FARP1: variants seen among roughly 807,000 people sequenced by gnomAD.
FARP1 encodes FERM, ARHGEF and pleckstrin domain-containing protein 1.
In FARP1, 52 loss-of-function variants were observed where a neutral mutation model predicts 128.8. The ratio of observed to expected loss-of-function variants is 0.40; its 90% CI spans 0.32 to 0.51. The LOEUF (loss-of-function observed/expected upper bound fraction) is 0.51. FARP1 is among the 20% of genes least tolerant of loss of function. FARP1 has a pLI of 0.45. For synonymous variants in FARP1, 580 were observed against 551.8 expected (o/e 1.05, Z -0.72); for missense variants, 1,333 against 1,367.9 (o/e 0.97, Z 0.40).
intron 2 of FARP1, among the ~76,000 whole-genome samples, chr13:98,336,812 T>C (rs147433040): frequency 6.6e-5 from 10 of 152,344 alleles, no homozygotes; most frequent in African/African-American, 1.9e-4. Flanking sequence ...GTGCGCTAGA[T>C]TAAAATTCAA....
chr13:98,340,605 C>G (rs926394022), intron 2 of FARP1: 1 of 152,330 alleles, frequency 6.6e-6, no homozygotes, highest in East Asian at 1.9e-4. Context: ...CTCGGCCTCC[C>G]AAAGTGCTGG....
At position 98,333,273 on chromosome 13, in the gene FARP1, T is replaced by C. The variant is rs923023967; in HGVS notation, c.172-10489T>C. ...TTAATTTAGATAAATTTTAGAATTT[T>C]TTATTCATCTACTTCTAAAAGGGTG... On this transcript the variant is annotated intron_variant, in intron 2 of 26. Coordinates refer to ENST00000319562, the MANE Select transcript of FARP1 (RefSeq NM_005766.4). 4.6e-5 allele frequency: 7 copies of C among 152,198 alleles called. 1 individual carries two copies. Among genetic ancestry groups the C allele is most frequent in the Admixed American group, 3.9e-4 (6 of 15,278 alleles). 9.4% of individuals were successfully genotyped at this position (152,198 alleles called of 1,614,324 possible). A position where few individuals can be genotyped will look rare whatever the true frequency, so the allele number is the denominator to read the frequency against.
chr13:98,217,728 C>G (rs1881162945), intron 2 of FARP1, among the ~76,000 whole-genome samples: 2 of 152,072 alleles, frequency 1.3e-5, no homozygotes, highest in South Asian at 4.1e-4. Flanking sequence ...GCCAGAACAC[C>G]CTCTTATTTG....
intron 5 of FARP1, 66 bp downstream of exon 5, chr13:98,368,261 C>A: frequency 8.8e-7 from 1 of 1,133,692 alleles, no homozygotes; most frequent in Non-Finnish European, 1.3e-6. Context: ...AATGAATGTT[C>A]TCAATTGATG....
intron 2 of FARP1, among the ~76,000 whole-genome samples, chr13:98,320,620 C>T (rs1213184264): frequency 6.6e-6 from 1 of 152,142 alleles, no homozygotes; most frequent in Non-Finnish European, 1.5e-5. Context: ...ACACCTTAGA[C>T]TGTTAGAAAA....
At chr13:98,311,992 T>C (rs1007717068) in intron 2 of FARP1, among the ~76,000 whole-genome samples, 4 of 151,304 alleles carry the variant, frequency 2.6e-5, no homozygotes, top group East Asian at 2.0e-4. Context: ...TATAGGCACC[T>C]ACCACCATGC....
intron 2 of FARP1, among the ~76,000 whole-genome samples, 199 bp downstream of exon 2, chr13:98,213,612 C>T (rs1037936460): frequency 2.0e-5 from 3 of 152,106 alleles, no homozygotes; most frequent in Admixed American, 2.0e-4. Context: ...TATGCTTGAA[C>T]CACCCACATA....
intron 12 of FARP1, among the ~76,000 whole-genome samples, chr13:98,394,544 G>A (rs775836293): frequency 1.3e-5 from 2 of 152,198 alleles, no homozygotes; most frequent in African/African-American, 2.4e-5. Context: ...GCTGGCGCCT[G>A]TAATCCCAGC....
chr13:98,302,577 G>A (rs1371883652), intron 2 of FARP1, among the ~76,000 whole-genome samples: 1 of 152,140 alleles, frequency 6.6e-6, no homozygotes, highest in Non-Finnish European at 1.5e-5. Context: ...ACCAAGGTCT[G>A]GGCATTTGAG....
rs763171986 is a variant in FARP1 at position 98,384,833 on chromosome 13, C to T, written c.600C>T (p.His200=). Residue 200 remains histidine, a synonymous_variant, in exon 7 of 27, where the codon CAC becomes CAT. Coordinates refer to ENST00000319562, the MANE Select transcript of FARP1 (RefSeq NM_005766.4). Reference sequence around the variant, plus strand: ...TAGAGGACAAAATCGTGGAATTTCACCATAACCACATGTAAGTCTCATTCT... The same window carrying T: ...TAGAGGACAAAATCGTGGAATTTCATCATAACCACATGTAAGTCTCATTCT... ...DALEDKIVEF[H]HNHIGQTPAE... is the part of the protein sequence containing the mutation. 1.6e-4 allele frequency: 258 copies of T among 1,604,662 alleles called. No homozygotes were observed. Among genetic ancestry groups the T allele is most frequent in the Non-Finnish European group, 2.2e-4 (255 of 1,171,520 alleles).
intron 1 of FARP1, among the ~76,000 whole-genome samples, chr13:98,164,813 C>T (rs1181562061): frequency 6.6e-6 from 1 of 152,160 alleles, no homozygotes; most frequent in African/African-American, 2.4e-5. Flanking sequence ...GCCGCAGTGG[C>T]TCACACCTAT....
At chr13:98,270,548 C>G (rs1255584562) in intron 2 of FARP1, among the ~76,000 whole-genome samples, 1 of 152,142 alleles carries the variant, frequency 6.6e-6, no homozygotes, top group Non-Finnish European at 1.5e-5. Context: ...GACGCAGCTC[C>G]CTTCCTAGAA....
Position 98,287,208 on chromosome 13 carries a change from C to CTTTTTTTTTTTTT in FARP1, c.172-56526_172-56514dup, listed in dbSNP as rs71111939. Among the ~76,000 whole-genome samples, 72 of 75,840 alleles carry CTTTTTTTTTTTTT rather than the reference C, an allele frequency of 9.5e-4. 7 individuals carry two copies. The highest frequency in any genetic ancestry group is 1.4e-3 in the Non-Finnish European group (58 of 42,108). 49.8% of individuals were successfully genotyped at this position (75,840 alleles called of 152,430 possible). On this transcript the variant is annotated intron_variant, in intron 2 of 26. Coordinates refer to ENST00000319562, the MANE Select transcript of FARP1 (RefSeq NM_005766.4). Reference sequence around the variant, plus strand: ...TTTCCAAATTAACCATCAGACATGTCTTTTTTTTTTTTTTTTTTTTTTTTT... The same window carrying CTTTTTTTTTTTTT: ...TTTCCAAATTAACCATCAGACATGTCTTTTTTTTTTTTTTTTTTTTTTTTTTTTTTTTTTTTTT...
At chr13:98,226,752 G>T (rs549776556) in intron 2 of FARP1, among the ~76,000 whole-genome samples, 2 of 152,252 alleles carry the variant, frequency 1.3e-5, no homozygotes, top group South Asian at 4.1e-4. Context: ...GGCCATATGA[G>T]ATGAGAAATC....
chr13:98,217,555 C>T (rs1367062524), intron 2 of FARP1, among the ~76,000 whole-genome samples: 1 of 152,222 alleles, frequency 6.6e-6, no homozygotes, highest in Non-Finnish European at 1.5e-5. Context: ...TAGCATTCAT[C>T]CTTTGCCTGA....
intron 3 of FARP1, among the ~76,000 whole-genome samples, chr13:98,359,221 T>C (rs762364868): frequency 6.6e-6 from 1 of 152,164 alleles, no homozygotes; most frequent in Non-Finnish European, 1.5e-5. Context: ...TGAGCTTGCC[T>C]TCATTCATGT....
chr13:98,274,117 A>T (rs1050830313), intron 2 of FARP1, among the ~76,000 whole-genome samples: 1 of 152,080 alleles, frequency 6.6e-6, no homozygotes, highest in South Asian at 2.1e-4. Context: ...TTAATCTAGG[A>T]TTGCTTTTCT....
chr13:98,162,410 C>G (rs1876950960), intron 1 of FARP1, among the ~76,000 whole-genome samples: 1 of 152,120 alleles, frequency 6.6e-6, no homozygotes, highest in African/African-American at 2.4e-5. Flanking sequence ...ACAATTCTGG[C>G]TTATTTTGTT....
At chr13:98,238,768 G>A (rs1882594928) in intron 2 of FARP1, among the ~76,000 whole-genome samples, 1 of 152,154 alleles carries the variant, frequency 6.6e-6, no homozygotes, top group Admixed American at 6.5e-5. Flanking sequence ...GATGAGATTT[G>A]GGTGGGGACA....
Sources: gnomAD v4.1 joint callset for allele counts (sites outside exome capture counted in the v4.1 genomes callset) on GRCh38, gnomAD v4.1.1 for gene constraint, MANE v1.5 for transcripts, NCBI Gene and HGNC (gene_info 2026-07-23, HGNC 2026-07-21) for gene names.